The following ZFAND6 variants were observed in gnomAD, a reference collection of about 807,000 sequenced individuals.
ZFAND6 encodes the protein AN1-type zinc finger protein 6.
A neutral mutation model predicts 24.5 loss-of-function variants in ZFAND6; 12 were observed. That is an observed-to-expected ratio of 0.49 (90% CI 0.31 to 0.79). The LOEUF (loss-of-function observed/expected upper bound fraction) is 0.79, where lower values mean the gene tolerates loss of function less well. Ranked by LOEUF, ZFAND6 falls within the 30% of genes least tolerant of loss-of-function variation. The pLI is 0.04. For missense variants in ZFAND6, 207 were observed against 245.9 expected (o/e 0.84, Z 1.06); for synonymous variants, 92 against 81.5 (o/e 1.13, Z -0.69).
chr15:80,065,536 GA>G (rs983751013), intron 1 of ZFAND6, among the ~76,000 whole-genome samples: 2 of 84,984 alleles, frequency 2.4e-5, no homozygotes, highest in African/African-American at 8.8e-5. Context: ...TTTTGGTTTT[GA>G]TTTTTTTTTT....
intron 2 of ZFAND6, among the ~76,000 whole-genome samples, chr15:80,114,500 A>G (rs561403103): frequency 6.6e-6 from 1 of 151,220 alleles, no homozygotes; most frequent in East Asian, 1.9e-4. Flanking sequence ...ATGTATTAGG[A>G]GGAGGGGCAG....
At chr15:80,123,778 G>A (rs1304789811) in intron 5 of ZFAND6, among the ~76,000 whole-genome samples, 1 of 152,334 alleles carries the variant, frequency 6.6e-6, no homozygotes, top group South Asian at 2.1e-4. Flanking sequence ...GGAAGCTGAC[G>A]TGGGAGGATT....
At position 80,132,242 on chromosome 15, in the gene ZFAND6, G is replaced by A. The variant is rs920304541; in HGVS notation, c.478+949G>A. Among the ~76,000 whole-genome samples the A allele has an allele frequency of 2.0e-5, 3 of 152,264 alleles. No individual in the cohort carries two copies. In the East Asian group the frequency reaches 5.8e-4, roughly 29 times the overall value. On this transcript the variant is annotated intron_variant, in intron 6 of 6. Transcript: ENST00000261749. ...CAGCAATTGGAAAAAACTCACAGAT[G>A]AACTGTATAGCCTAGAAATATATTT...
chr15:80,117,283 C>T (rs2039923061), intron 2 of ZFAND6, among the ~76,000 whole-genome samples: 1 of 151,794 alleles, frequency 6.6e-6, no homozygotes, highest in Non-Finnish European at 1.5e-5. Context: ...AGTGCAGTGG[C>T]ACGATCTTGG....
chr15:80,107,225 A>T (rs1220401987), intron 2 of ZFAND6, among the ~76,000 whole-genome samples: 1 of 152,156 alleles, frequency 6.6e-6, no homozygotes, highest in African/African-American at 2.4e-5. Context: ...CAAAAAAAAA[A>T]TAGATTTAGT....
intron 1 of ZFAND6, among the ~76,000 whole-genome samples, chr15:80,078,890 A>G (rs1332199264): frequency 1.4e-5 from 2 of 142,382 alleles, no homozygotes; most frequent in Non-Finnish European, 3.1e-5. Context: ...CAATTATTTT[A>G]TTTTATTATT....
chr15:80,075,076 G>A (rs547360924), intron 1 of ZFAND6: 1 of 154,642 alleles, frequency 6.5e-6, no homozygotes, highest in South Asian at 1.8e-4. Flanking sequence ...GACTTTCAGA[G>A]CTGATGCTGG....
At position 80,069,913 on chromosome 15, in the gene ZFAND6, T is replaced by G. The variant is rs926192162; in HGVS notation, c.-181+10104T>G. On this transcript the variant is annotated intron_variant, in intron 1 of 6. Coordinates refer to ENST00000261749, the MANE Select transcript of ZFAND6 (RefSeq NM_019006.4). ...GTGAGCCACCACACCTGGCCATATT[T>G]TTTTATTTTTTATTCCCCATTGAGG... Among the ~76,000 whole-genome samples the G allele has an allele frequency of 1.7e-4, 26 of 152,278 alleles. 1 individual carries two copies. Among genetic ancestry groups the G allele is most frequent in the Admixed American group, 1.4e-3 (21 of 15,286 alleles).
chr15:80,088,934 TTTTC>T (rs1163146743), intron 1 of ZFAND6, among the ~76,000 whole-genome samples: 1 of 152,118 alleles, frequency 6.6e-6, no homozygotes, highest in Non-Finnish European at 1.5e-5. Context: ...TTTGAGGGAT[TTTTC>T]TTTATCTCAT....
At chr15:80,101,112 G>A (rs1488752190) in intron 2 of ZFAND6, among the ~76,000 whole-genome samples, 1 of 152,182 alleles carries the variant, frequency 6.6e-6, no homozygotes, top group African/African-American at 2.4e-5. Flanking sequence ...ACATTACAAA[G>A]TAGGATATTT....
chr15:80,092,364 A>G (rs1437453306), intron 1 of ZFAND6, among the ~76,000 whole-genome samples: 3 of 150,070 alleles, frequency 2.0e-5, no homozygotes, highest in African/African-American at 7.3e-5. Flanking sequence ...TGAGGACGGG[A>G]GGCGGAGGTT....
intron 2 of ZFAND6, among the ~76,000 whole-genome samples, chr15:80,114,245 T>C: frequency 6.6e-6 from 1 of 152,204 alleles, no homozygotes; most frequent in South Asian, 2.1e-4. Context: ...ACCAGGGAAA[T>C]TTAGTAACAA....
At chr15:80,131,962 T>A (rs569576445) in intron 6 of ZFAND6, among the ~76,000 whole-genome samples, 1 of 152,296 alleles carries the variant, frequency 6.6e-6, no homozygotes, top group African/African-American at 2.4e-5. Context: ...GTAGGACTTA[T>A]AACTGATGGA....
chr15:80,120,486 A>G lies in ZFAND6; in HGVS notation c.142A>G (p.Ile48Val). Residue 48 changes from isoleucine (I) to valine (V), a missense_variant, in exon 3 of 7, where the codon ATA becomes GTA. By Grantham distance (29) the Ile-to-Val change is conservative (BLOSUM62 3). This residue lies in a region of ZFAND6 where 133 missense variants were observed against 122.8 expected (regional missense o/e 1.08). Coordinates refer to ENST00000261749, the MANE Select transcript of ZFAND6 (RefSeq NM_019006.4). ...LQRQNSSNGRISPPATSVSSL... is the reference protein window; with the variant it reads ...LQRQNSSNGRVSPPATSVSSL... ...AAGACAGAATAGTAGTAATGGTAGA[A>G]TAAGCCCACCTGGTAAGTAATTCTA... is the stretch of plus-strand genomic sequence containing the variant. 1.3e-6 allele frequency: 2 copies of G among 1,543,094 alleles called. No individual in the cohort carries two copies. The highest frequency in any genetic ancestry group is 2.3e-5 in the East Asian group (1 of 42,556).
At chr15:80,073,089 AT>A (rs1231314952) in intron 1 of ZFAND6, among the ~76,000 whole-genome samples, 2 of 151,908 alleles carry the variant, frequency 1.3e-5, no homozygotes, top group Admixed American at 1.3e-4. Context: ...CAACTGTTTA[AT>A]TTTTTTAACC....
chr15:80,101,721 G>A (rs1219155353), intron 2 of ZFAND6, among the ~76,000 whole-genome samples: 1 of 151,084 alleles, frequency 6.6e-6, no homozygotes, highest in Non-Finnish European at 1.5e-5. Flanking sequence ...AAGAGAAGAG[G>A]AAGCAAAAAA....
intron 2 of ZFAND6, among the ~76,000 whole-genome samples, chr15:80,099,274 C>T (rs1055148337): frequency 6.6e-6 from 1 of 152,046 alleles, no homozygotes; most frequent in African/African-American, 2.4e-5. Context: ...CCCTCCTCCC[C>T]CCGACTTTTT....
intron 2 of ZFAND6, among the ~76,000 whole-genome samples, chr15:80,099,198 T>C (rs1313038119): frequency 1.3e-5 from 2 of 152,166 alleles, no homozygotes; most frequent in Non-Finnish European, 2.9e-5. Context: ...CTCCTTTTCT[T>C]TCCTTTAAGG....
chr15:80,136,931 GA>G (rs1250397075), intron 6 of ZFAND6, among the ~76,000 whole-genome samples: 3 of 152,304 alleles, frequency 2.0e-5, no homozygotes, highest in African/African-American at 7.2e-5. Flanking sequence ...CAAGCTCAGA[GA>G]GGCTAATTTG....
Sources: allele counts gnomAD v4.1 joint callset (sites outside exome capture counted in the v4.1 genomes callset), GRCh38; gene constraint gnomAD v4.1.1; regional missense constraint gnomAD v4.1.1; transcripts MANE v1.5; gene names NCBI Gene and HGNC (gene_info 2026-07-23, HGNC 2026-07-21).